BHLHE22: variants seen among roughly 807,000 people sequenced by gnomAD.
The protein encoded by BHLHE22 is class E basic helix-loop-helix protein 22.
Under a neutral mutation model 17.6 loss-of-function variants are expected in BHLHE22, and 8 were observed. The observed-to-expected ratio is 0.45, with a 90% CI of 0.27 to 0.82. The LOEUF is 0.82. BHLHE22 is among the 40% of genes least tolerant of loss of function. The probability of loss-of-function intolerance (pLI) is 0.16; values close to 1 mark genes in which losing one functional copy is unlikely to be tolerated. For missense variants in BHLHE22, 570 were observed against 581.5 expected (o/e 0.98, Z 0.20); for synonymous variants, 353 against 282.7 (o/e 1.25, Z -2.49).
Position 64,582,944 on chromosome 8 carries a change from A to G in BHLHE22, c.*1008A>G, listed in dbSNP as rs1170929947. 1 of 166,942 alleles carries G rather than the reference A, an allele frequency of 6.0e-6. No homozygotes were observed. Among genetic ancestry groups the G allele is most frequent in the Non-Finnish European group, 1.5e-5 (1 of 68,134 alleles). 10.3% of individuals were successfully genotyped at this position (166,942 alleles called of 1,614,324 possible). A position where few individuals can be genotyped will look rare whatever the true frequency, so the allele number is the denominator to read the frequency against. Reference sequence around the variant, plus strand: ...TCACCTGGATATTTTCAGTTGCATCATCCCTGTATTTAAATTGAGCTTTAA... The same window carrying G: ...TCACCTGGATATTTTCAGTTGCATCGTCCCTGTATTTAAATTGAGCTTTAA... On this transcript the variant is annotated 3_prime_UTR_variant, in exon 1 of 1. Coordinates refer to ENST00000321870, the MANE Select transcript of BHLHE22 (RefSeq NM_152414.5).
rs34265378 is a variant in BHLHE22 at position 64,581,463 on chromosome 8, GGCAGCAGCA to G, written c.695_703del (p.Ser232_Ser234del). ...TGGCGGTAGCGGTAGCGGCAGCGGC[GGCAGCAGCA>G]GCAGCAGCAGCAGCAGCAGCAAGAA... On this transcript the variant is annotated inframe_deletion, in exon 1 of 1. Transcript: ENST00000321870. The surrounding 1 kb of genome is among the most constrained non-coding windows in gnomAD (Gnocchi z 6.4). The G allele has an allele frequency of 1.4e-3, 1,959 of 1,450,742 alleles. 7 individuals carry two copies. The highest frequency in any genetic ancestry group is 0.011 in the African/African-American group (749 of 68,780). The allele number at this position is 1,450,742 out of a possible 1,614,324, so 89.9% of individuals were successfully genotyped here.
Position 64,583,405 on chromosome 8 carries a change from T to TA in BHLHE22, c.*1474dup. ...CTATGAAAATCAAGAAAATCTTTTTTAAAAATGGAGTCCTGCTATTTTCCA... is the reference window on the plus strand; with the variant it reads ...CTATGAAAATCAAGAAAATCTTTTTTAAAAAATGGAGTCCTGCTATTTTCCA... On this transcript the variant is annotated 3_prime_UTR_variant, in exon 1 of 1. Coordinates refer to ENST00000321870, the MANE Select transcript of BHLHE22 (RefSeq NM_152414.5). 1 of 167,230 alleles carries TA rather than the reference T, an allele frequency of 6.0e-6. No homozygotes were observed. The allele number at this position is 167,230 out of a possible 1,614,324, so 10.4% of individuals were successfully genotyped here.
chr8:64,580,757 C>A lies in BHLHE22; in HGVS notation c.-34C>A, dbSNP rs1017104364. The A allele has an allele frequency of 1.3e-4, 140 of 1,096,590 alleles. No individual in the cohort carries two copies. The highest frequency in any genetic ancestry group is 4.0e-4 in the Middle Eastern group (1 of 2,510). 67.9% of individuals were successfully genotyped at this position (1,096,590 alleles called of 1,614,324 possible). Reference sequence around the variant, plus strand: ...CCGAGGCGGCGGCGGCGGCAGCGGGCGCGGCGGCCCGGGCTGCGCGCCGGC... The same window carrying A: ...CCGAGGCGGCGGCGGCGGCAGCGGGAGCGGCGGCCCGGGCTGCGCGCCGGC... On this transcript the variant is annotated 5_prime_UTR_variant, in exon 1 of 1. Coordinates refer to ENST00000321870, the MANE Select transcript of BHLHE22 (RefSeq NM_152414.5).
rs943663842 is a variant in BHLHE22 at position 64,581,386 on chromosome 8, G to T, written c.596G>T (p.Gly199Val). ...GGCGGCGCCAGCGTCCCCCCGGGGG[G>T]CCTGGGCGGCGGCGGCGGCGGGGGT... Reference protein sequence around the residue: ...LHGGASVPPGGLGGGGGGGSS... With the variant: ...LHGGASVPPGVLGGGGGGGSS... The change falls in exon 1 of 1, where the codon GGC (glycine) becomes GTC (valine). Residue 199 changes from glycine to valine, a missense_variant. This residue lies in a region of BHLHE22 where 427 missense variants were observed against 376.2 expected (regional missense o/e 1.14). Coordinates refer to ENST00000321870, the MANE Select transcript of BHLHE22 (RefSeq NM_152414.5). This position sits in a 1 kb window ranked among gnomAD's most constrained non-coding sequence, Gnocchi z 6.4. 3.3e-6 allele frequency: 5 copies of T among 1,515,928 alleles called. No individual in the cohort carries two copies. Among genetic ancestry groups the T allele is most frequent in the South Asian group, 1.2e-5 (1 of 80,524 alleles). 93.9% of individuals were successfully genotyped at this position (1,515,928 alleles called of 1,614,324 possible). A position where few individuals can be genotyped will look rare whatever the true frequency, so the allele number is the denominator to read the frequency against.
In BHLHE22 at chr8:64,581,621, G is replaced by A. The variant is rs1205131344; in HGVS notation, c.831G>A (p.Val277=). The A allele has an allele frequency of 1.4e-5, 22 of 1,613,110 alleles. No homozygotes were observed. In the African/African-American group the frequency reaches 2.5e-4, roughly 19 times the overall value. The part of the protein sequence containing the change: ...AVIPYAHSPS[V]RKLSKIATLL... The stretch of plus-strand genomic sequence containing the variant: ...TCCCCTACGCGCACAGCCCCTCGGT[G>A]CGAAAGCTCTCCAAGATCGCCACGC... The change falls in exon 1 of 1, where the codon GTG becomes GTA. Residue 277 remains valine, a synonymous_variant. Transcript: ENST00000321870. The surrounding 1 kb of genome is among the most constrained non-coding windows in gnomAD (Gnocchi z 6.4).
In BHLHE22 at chr8:64,580,879, G is replaced by T. The variant is rs763058601; in HGVS notation, c.89G>T (p.Arg30Leu). Reference protein sequence around the residue: ...HKSLSASTSKRLEAAFRSTPP... With the variant: ...HKSLSASTSKLLEAAFRSTPP... ...AGCCTGAGCGCCTCCACCTCCAAGCGCTTGGAAGCGGCTTTCCGCTCCACG... is the reference window on the plus strand; with the variant it reads ...AGCCTGAGCGCCTCCACCTCCAAGCTCTTGGAAGCGGCTTTCCGCTCCACG... Residue 30 changes from arginine to leucine, a missense_variant, in exon 1 of 1, where the codon CGC becomes CTC. Physicochemically the swap from Arg to Leu is moderately radical, Grantham distance 102. Around this residue, in one of 3 missense-constraint regions of BHLHE22, gnomAD observed 427 missense variants for 376.2 expected, o/e 1.14. Coordinates refer to ENST00000321870, the MANE Select transcript of BHLHE22 (RefSeq NM_152414.5). 2 of 1,519,764 alleles carry T rather than the reference G, an allele frequency of 1.3e-6. No individual in the cohort carries two copies. Among genetic ancestry groups the T allele is most frequent in the South Asian group, 1.2e-5 (1 of 80,916 alleles). 94.1% of individuals were successfully genotyped at this position (1,519,764 alleles called of 1,614,324 possible).
chr8:64,581,540 A>C lies in BHLHE22; in HGVS notation c.750A>C (p.Arg250=). The change falls in exon 1 of 1, where the codon CGA becomes CGC. Residue 250 remains arginine (R), a synonymous_variant. Coordinates refer to ENST00000321870, the MANE Select transcript of BHLHE22 (RefSeq NM_152414.5). This position sits in a 1 kb window ranked among gnomAD's most constrained non-coding sequence, Gnocchi z 6.4. ...CGCTGCGGCTTAACATCAATGCCCG[A>C]GAGCGCCGGCGGATGCACGACCTGA... ...QKALRLNINA[R]ERRRMHDLND... 1 of 1,609,672 alleles carries C rather than the reference A, an allele frequency of 6.2e-7. No individual in the cohort carries two copies. The highest frequency in any genetic ancestry group is 8.5e-7 in the Non-Finnish European group (1 of 1,179,478).
rs752477418 is a variant in BHLHE22 at position 64,581,457 on chromosome 8, AGCG to A, written c.673_675del (p.Gly225del). ...CGGCGGTGGCGGTAGCGGTAGCGGC[AGCG>A]GCGGCAGCAGCAGCAGCAGCAGCAG... is the stretch of plus-strand genomic sequence containing the variant. On this transcript the variant is annotated inframe_deletion, in exon 1 of 1. Transcript: ENST00000321870. This position sits in a 1 kb window ranked among gnomAD's most constrained non-coding sequence, Gnocchi z 6.4. 8.4e-4 allele frequency: 1,286 copies of A among 1,533,508 alleles called. 1 individual carries two copies. The highest frequency in any genetic ancestry group is 1.0e-3 in the Non-Finnish European group (1,195 of 1,144,048). 95.0% of individuals were successfully genotyped at this position (1,533,508 alleles called of 1,614,324 possible). A position where few individuals can be genotyped will look rare whatever the true frequency, so the allele number is the denominator to read the frequency against.
rs1804892508 is a variant in BHLHE22, at chr8:64,581,294, G to A, written c.504G>A (p.Arg168=). ...TGCGGGCCGGAGTAGCCGACCCGCG[G>A]GCCTCCCCGGGAGCGGGAGGTGGTG... is the stretch of plus-strand genomic sequence containing the variant. ...LVLRAGVADP[R]ASPGAGGGGA... Residue 168 remains arginine (R), a synonymous_variant, in exon 1 of 1, where the codon CGG becomes CGA. Coordinates refer to ENST00000321870, the MANE Select transcript of BHLHE22 (RefSeq NM_152414.5). The surrounding 1 kb of genome is among the most constrained non-coding windows in gnomAD (Gnocchi z 6.4). The A allele has an allele frequency of 1.4e-6, 2 of 1,429,162 alleles. No individual in the cohort carries two copies. The highest frequency in any genetic ancestry group is 3.1e-5 in the Admixed American group (1 of 31,890). 88.5% of individuals were successfully genotyped at this position (1,429,162 alleles called of 1,614,324 possible). A position where few individuals can be genotyped will look rare whatever the true frequency, so the allele number is the denominator to read the frequency against.
rs1194661866 is a variant in BHLHE22, at chr8:64,582,522, G to A, written c.*586G>A. On this transcript the variant is annotated 3_prime_UTR_variant, in exon 1 of 1. Coordinates refer to ENST00000321870, the MANE Select transcript of BHLHE22 (RefSeq NM_152414.5). The stretch of plus-strand genomic sequence containing the variant: ...AAACCCAGAGAGAGAGAGAGAGCGA[G>A]AGAGAGAGACATGTTACTATGAAAG... 7.2e-5 allele frequency: 12 copies of A among 166,994 alleles called. No homozygotes were observed. The Admixed American group carries it at 7.9e-4, about 11-fold the overall frequency. The allele number at this position is 166,994 out of a possible 1,614,324, so 10.3% of individuals were successfully genotyped here. A position where few individuals can be genotyped will look rare whatever the true frequency, so the allele number is the denominator to read the frequency against.
rs539859044 is a variant in BHLHE22 at position 64,580,821 on chromosome 8, G to A, written c.31G>A (p.Ala11Thr). Residue 11 changes from alanine (A) to threonine (T), a missense_variant, in exon 1 of 1, where the codon GCC (alanine) becomes ACC (threonine). Coordinates refer to ENST00000321870, the MANE Select transcript of BHLHE22 (RefSeq NM_152414.5). MERGMHLGAA[A>T]AGEDDLFLHK... The stretch of plus-strand genomic sequence containing the variant: ...GCGCGGGATGCACCTCGGTGCAGCG[G>A]CCGCCGGCGAGGACGACCTCTTCCT... 11 of 1,449,642 alleles carry A rather than the reference G, an allele frequency of 7.6e-6. No homozygotes were observed. The South Asian group carries it at 1.1e-4, about 14-fold the overall frequency. The allele number at this position is 1,449,642 out of a possible 1,614,324, so 89.8% of individuals were successfully genotyped here. A position where few individuals can be genotyped will look rare whatever the true frequency, so the allele number is the denominator to read the frequency against.
chr8:64,583,371 C>A lies in BHLHE22; in HGVS notation c.*1435C>A, dbSNP rs1804932196. 1 of 167,050 alleles carries A rather than the reference C, an allele frequency of 6.0e-6. No individual in the cohort carries two copies. Among genetic ancestry groups the A allele is most frequent in the African/African-American group, 2.4e-5 (1 of 41,442 alleles). 10.3% of individuals were successfully genotyped at this position (167,050 alleles called of 1,614,324 possible). On this transcript the variant is annotated 3_prime_UTR_variant, in exon 1 of 1. Transcript: ENST00000321870. ...TAGTTTTGCATGGCTGTTTGACTGC[C>A]TTTCCGCCCTATGAAAATCAAGAAA...
rs750478486 is a variant in BHLHE22, at chr8:64,582,089, A to G, written c.*153A>G. 29 of 676,336 alleles carry G rather than the reference A, an allele frequency of 4.3e-5. No individual in the cohort carries two copies. Among genetic ancestry groups the G allele is most frequent in the Non-Finnish European group, 5.1e-5 (23 of 452,518 alleles). 41.9% of individuals were successfully genotyped at this position (676,336 alleles called of 1,614,324 possible). On this transcript the variant is annotated 3_prime_UTR_variant, in exon 1 of 1. Transcript: ENST00000321870. Reference sequence around the variant, plus strand: ...AACTGAGGAGAAGTATCAGAGACAAACGGGACTTTTAGCCTTGACATCCCC... The same window carrying G: ...AACTGAGGAGAAGTATCAGAGACAAGCGGGACTTTTAGCCTTGACATCCCC...
rs955484955 is a variant in BHLHE22 at position 64,581,068 on chromosome 8, G to A, written c.278G>A (p.Gly93Asp). The change falls in exon 1 of 1, where the codon GGC becomes GAC. Residue 93 changes from glycine (G) to aspartate (D), a missense_variant. Coordinates refer to ENST00000321870, the MANE Select transcript of BHLHE22 (RefSeq NM_152414.5). The surrounding 1 kb of genome is among the most constrained non-coding windows in gnomAD (Gnocchi z 6.4). ...GGGGSAGSGG[G>D]GGGGVGVPGL... ...GGCGGCAGCGCGGGAAGTGGCGGCG[G>A]CGGCGGCGGCGGGGTGGGTGTCCCC... The A allele has an allele frequency of 7.5e-6, 10 of 1,325,066 alleles. No individual in the cohort carries two copies. The African/African-American group carries it at 1.5e-4, about 20-fold the overall frequency. 82.1% of individuals were successfully genotyped at this position (1,325,066 alleles called of 1,614,324 possible).
Position 64,581,313 on chromosome 8 carries a change from G to A in BHLHE22, c.523G>A (p.Gly175Ser). The A allele has an allele frequency of 7.0e-7, 1 of 1,431,208 alleles. No homozygotes were observed. The highest frequency in any genetic ancestry group is 1.5e-5 in the South Asian group (1 of 67,240). 88.7% of individuals were successfully genotyped at this position (1,431,208 alleles called of 1,614,324 possible). ...ADPRASPGAG[G>S]GGAKAAEGCS... ...CCCGCGGGCCTCCCCGGGAGCGGGA[G>A]GTGGTGGCGCGAAGGCAGCCGAGGG... Residue 175 changes from glycine (G) to serine (S), a missense_variant, in exon 1 of 1, where the codon GGT (glycine) becomes AGT (serine). Gly to Ser is a moderately conservative substitution (Grantham distance 56, BLOSUM62 0). This residue lies in a region of BHLHE22 where 427 missense variants were observed against 376.2 expected (regional missense o/e 1.14). Transcript: ENST00000321870. The surrounding 1 kb of genome is among the most constrained non-coding windows in gnomAD (Gnocchi z 6.4).
rs1804890821 is a variant in BHLHE22, at chr8:64,581,223, G to A, written c.433G>A (p.Glu145Lys). 2.1e-6 allele frequency: 3 copies of A among 1,455,262 alleles called. No homozygotes were observed. Among genetic ancestry groups the A allele is most frequent in the South Asian group, 1.4e-5 (1 of 69,806 alleles). The allele number at this position is 1,455,262 out of a possible 1,614,324, so 90.1% of individuals were successfully genotyped here. A position where few individuals can be genotyped will look rare whatever the true frequency, so the allele number is the denominator to read the frequency against. ...RGSVAESSGG[E>K]QSPDDDSDGR... is the part of the protein sequence containing the mutation. ...CTCGGTGGCCGAGAGCAGCGGCGGC[G>A]AGCAGAGCCCCGACGACGACAGCGA... The change falls in exon 1 of 1, where the codon GAG becomes AAG. Residue 145 changes from glutamate to lysine, a missense_variant. Physicochemically the swap from Glu to Lys is moderately conservative, Grantham distance 56. This residue lies in a region of BHLHE22 where 427 missense variants were observed against 376.2 expected (regional missense o/e 1.14). Coordinates refer to ENST00000321870, the MANE Select transcript of BHLHE22 (RefSeq NM_152414.5). This position sits in a 1 kb window ranked among gnomAD's most constrained non-coding sequence, Gnocchi z 6.4.
rs745513506 is a variant in BHLHE22 at position 64,581,540 on chromosome 8, A to G, written c.750A>G (p.Arg250=). Residue 250 remains arginine (R), a synonymous_variant, in exon 1 of 1, where the codon CGA becomes CGG. Coordinates refer to ENST00000321870, the MANE Select transcript of BHLHE22 (RefSeq NM_152414.5). The surrounding 1 kb of genome is among the most constrained non-coding windows in gnomAD (Gnocchi z 6.4). ...CGCTGCGGCTTAACATCAATGCCCG[A>G]GAGCGCCGGCGGATGCACGACCTGA... ...QKALRLNINA[R]ERRRMHDLND... The G allele has an allele frequency of 1.9e-6, 3 of 1,609,672 alleles. No individual in the cohort carries two copies. In the Admixed American group the frequency reaches 5.0e-5, roughly 27 times the overall value.
At position 64,583,347 on chromosome 8, in the gene BHLHE22, A is replaced by C. The variant is rs1048199722; in HGVS notation, c.*1411A>C. 6.0e-6 allele frequency: 1 copy of C among 167,102 alleles called. No homozygotes were observed. Among genetic ancestry groups the C allele is most frequent in the Non-Finnish European group, 1.5e-5 (1 of 68,118 alleles). The allele number at this position is 167,102 out of a possible 1,614,324, so 10.4% of individuals were successfully genotyped here. On this transcript the variant is annotated 3_prime_UTR_variant, in exon 1 of 1. Transcript: ENST00000321870. ...TTACCCAAAGTGAGCTTTCAGTTTT[A>C]GTTTTGCATGGCTGTTTGACTGCCT...
chr8:64,582,030 G>T lies in BHLHE22; in HGVS notation c.*94G>T. 9 of 1,418,508 alleles carry T rather than the reference G, an allele frequency of 6.3e-6. No individual in the cohort carries two copies. The highest frequency in any genetic ancestry group is 8.6e-6 in the Non-Finnish European group (9 of 1,047,614). The allele number at this position is 1,418,508 out of a possible 1,614,324, so 87.9% of individuals were successfully genotyped here. A position where few individuals can be genotyped will look rare whatever the true frequency, so the allele number is the denominator to read the frequency against. ...TTTATTTTGGTCCTCTCGTAGTTGT[G>T]AAACACTTGCAGAGCAAACAAAGCA... is the stretch of plus-strand genomic sequence containing the variant. On this transcript the variant is annotated 3_prime_UTR_variant, in exon 1 of 1. Coordinates refer to ENST00000321870, the MANE Select transcript of BHLHE22 (RefSeq NM_152414.5).
Sources: allele counts gnomAD v4.1 joint callset, GRCh38; gene constraint gnomAD v4.1.1; regional missense constraint gnomAD v4.1.1; non-coding constraint Gnocchi (gnomAD v3.1); transcripts MANE v1.5; gene names NCBI Gene and HGNC (gene_info 2026-07-23, HGNC 2026-07-21).